KATNIP: variants seen among roughly 807,000 people sequenced by gnomAD.
KATNIP encodes katanin interacting protein.
Under a neutral mutation model 174.0 loss-of-function variants are expected in KATNIP, and 126 were observed. The observed-to-expected ratio is 0.72, with a 90% CI of 0.63 to 0.84. The LOEUF (loss-of-function observed/expected upper bound fraction) is 0.84, where lower values mean the gene tolerates loss of function less well. Among genes scored for constraint, KATNIP ranks in the 40% least tolerant of loss-of-function variants. KATNIP has a pLI of 0.00. For synonymous variants in KATNIP, 810 were observed against 835.7 expected (o/e 0.97, Z 0.53); for missense variants, 1,958 against 2,109.7 (o/e 0.93, Z 1.41).
chr16:27,734,555 C>G (rs1047308454), intron 14 of KATNIP, among the ~76,000 whole-genome samples: 1 of 151,884 alleles, frequency 6.6e-6, no homozygotes, highest in Non-Finnish European at 1.5e-5. Context: ...AAAAAATAGC[C>G]GGGCGTAGTG....
intron 2 of KATNIP, among the ~76,000 whole-genome samples, chr16:27,601,237 G>A (rs573783323): frequency 3.9e-5 from 6 of 152,240 alleles, no homozygotes; most frequent in African/African-American, 9.6e-5. Context: ...GAGCAAGCTC[G>A]CATTGTCCCT....
At chr16:27,610,317 A>T (rs1013283243) in intron 2 of KATNIP, among the ~76,000 whole-genome samples, 1 of 152,148 alleles carries the variant, frequency 6.6e-6, no homozygotes, top group Non-Finnish European at 1.5e-5. Context: ...AGTAGTTTTC[A>T]TATGGAGCTG....
intron 1 of KATNIP, among the ~76,000 whole-genome samples, chr16:27,566,881 G>C (rs2090111623): frequency 6.6e-6 from 1 of 152,134 alleles, no homozygotes; most frequent in African/African-American, 2.4e-5. Context: ...CAACCCATCT[G>C]CACCTTCCTT....
rs770374502 is a variant in KATNIP, at chr16:27,703,994, CAG to C, written c.1388_1389del (p.Glu463GlyfsTer39). 1.9e-6 allele frequency: 3 copies of C among 1,613,244 alleles called. No homozygotes were observed. The highest frequency in any genetic ancestry group is 4.5e-5 in the East Asian group (2 of 44,876). On this transcript the variant is annotated frameshift_variant and splice_region_variant, in exon 12 of 28. Coordinates refer to ENST00000261588, the MANE Select transcript of KATNIP (RefSeq NM_015202.5). LOFTEE classifies it high-confidence loss of function. ...CCAACCAAGGAGCAAGTATCAGACA[CAG>C]AGGTGAGAGCCTTGACTTGATTTTC... is the stretch of plus-strand genomic sequence containing the variant.
intron 15 of KATNIP, 72 bp downstream of exon 15, chr16:27,740,992 C>T (rs2081088217): frequency 1.8e-6 from 2 of 1,129,462 alleles, no homozygotes; most frequent in Admixed American, 3.8e-5. Flanking sequence ...AGCCAGTTAG[C>T]TCCTGGACCT....
chr16:27,705,416 G>A (rs2079262016), intron 12 of KATNIP, among the ~76,000 whole-genome samples: 1 of 152,122 alleles, frequency 6.6e-6, no homozygotes, highest in Non-Finnish European at 1.5e-5. Context: ...CTGGACTAGA[G>A]TTCCAGCTTT....
In KATNIP at chr16:27,637,456, G is replaced by A. The variant is rs1015378751; in HGVS notation, c.408+6294G>A. On this transcript the variant is annotated intron_variant, in intron 5 of 27. Transcript: ENST00000261588. This position sits in a 1 kb window ranked among gnomAD's most constrained non-coding sequence, Gnocchi z 4.7. ...CAAGGGAGTCGGAAGACAGTGCTAC[G>A]AAGGAAGGACAGAGGACAGCAGCCT... Among the ~76,000 whole-genome samples the A allele has an allele frequency of 3.3e-5, 5 of 152,180 alleles. No individual in the cohort carries two copies. Among genetic ancestry groups the A allele is most frequent in the East Asian group, 3.9e-4 (2 of 5,168 alleles).
At position 27,766,375 on chromosome 16, in the gene KATNIP, G is replaced by A; in HGVS notation, c.3876G>A (p.Gly1292=). The change falls in exon 20 of 28, where the codon GGG becomes GGA. Residue 1292 remains glycine, a synonymous_variant. Transcript: ENST00000261588. ...EHMWLIPFSP[G]LDHVVTIRLD... Reference sequence around the variant, plus strand: ...TGTGGCTGATCCCCTTCTCGCCGGGGCTGGACCATGTGGTCACGATCCGCC... The same window carrying A: ...TGTGGCTGATCCCCTTCTCGCCGGGACTGGACCATGTGGTCACGATCCGCC... The A allele has an allele frequency of 6.2e-7, 1 of 1,614,176 alleles. No individual in the cohort carries two copies. Among genetic ancestry groups the A allele is most frequent in the Non-Finnish European group, 8.5e-7 (1 of 1,180,024 alleles).
In KATNIP at chr16:27,776,849, C is replaced by T; in HGVS notation, c.4450-79C>T. 1.3e-5 allele frequency: 13 copies of T among 1,035,290 alleles called. No homozygotes were observed. In the South Asian group the frequency reaches 1.7e-4, roughly 14 times the overall value. 64.1% of individuals were successfully genotyped at this position (1,035,290 alleles called of 1,614,324 possible). On this transcript the variant is annotated intron_variant, in intron 24 of 27. Coordinates refer to ENST00000261588, the MANE Select transcript of KATNIP (RefSeq NM_015202.5). This position sits in a 1 kb window ranked among gnomAD's most constrained non-coding sequence, Gnocchi z 4.7. ...CTTGGGCACCACCGCTCACCCCAGCCCACGCCTGGCACCCCCAGCCCAGCC... is the reference window on the plus strand; with the variant it reads ...CTTGGGCACCACCGCTCACCCCAGCTCACGCCTGGCACCCCCAGCCCAGCC...
rs55953014 is a variant in KATNIP at position 27,761,500 on chromosome 16, C to T, written c.3719C>T (p.Ala1240Val). 18,648 of 1,614,058 alleles carry T rather than the reference C, an allele frequency of 0.012. 163 individuals carry two copies. The highest frequency in any genetic ancestry group is 0.014 in the Non-Finnish European group (16,190 of 1,179,974). Residue 1240 changes from alanine to valine, a missense_variant, in exon 19 of 28, where the codon GCG (alanine) becomes GTG (valine). By Grantham distance (64) the Ala-to-Val change is moderately conservative. Around this residue, in one of 3 missense-constraint regions of KATNIP, gnomAD observed 1,557 missense variants for 1,617.8 expected, o/e 0.96. Coordinates refer to ENST00000261588, the MANE Select transcript of KATNIP (RefSeq NM_015202.5). The stretch of plus-strand genomic sequence containing the variant: ...GAAGTGGTGGGCAAGGAGGGCCAGG[C>T]GCTGCCCATCCACCTGCACCAGATC... The part of the protein sequence containing the change: ...GLEVVGKEGQ[A>V]LPIHLHQISA...
At chr16:27,577,704 T>G (rs2090550015) in intron 2 of KATNIP, among the ~76,000 whole-genome samples, 1 of 151,368 alleles carries the variant, frequency 6.6e-6, no homozygotes, top group Non-Finnish European at 1.5e-5. Context: ...TGAAATGAAA[T>G]GAAATAAAAT....
intron 20 of KATNIP, 125 bp from the exon 21 acceptor site, chr16:27,769,736 C>G (rs1222043375): frequency 8.9e-7 from 1 of 1,120,792 alleles, no homozygotes; most frequent in Non-Finnish European, 1.3e-6. Context: ...GGACCTCGGT[C>G]AGGTGGCTCT....
At chr16:27,660,796 C>A (rs1231899994) in intron 6 of KATNIP, among the ~76,000 whole-genome samples, 3 of 152,128 alleles carry the variant, frequency 2.0e-5, no homozygotes, top group Admixed American at 2.0e-4. Flanking sequence ...CCACCGCATC[C>A]AGCTATTGCT....
At chr16:27,630,472 G>C (rs2076451758) in intron 4 of KATNIP, among the ~76,000 whole-genome samples, 1 of 152,168 alleles carries the variant, frequency 6.6e-6, no homozygotes, top group African/African-American at 2.4e-5. Flanking sequence ...GGTTTCCTAG[G>C]AGAGCCACTA....
intron 19 of KATNIP, among the ~76,000 whole-genome samples, chr16:27,765,198 CT>C (rs780503280): frequency 1.6e-4 from 24 of 152,290 alleles, no homozygotes; most frequent in Non-Finnish European, 3.2e-4. Context: ...CAGGACCAGG[CT>C]TCTGAATGGC....
At chr16:27,654,649 C>G in intron 6 of KATNIP, 1 of 1,352,002 alleles carries the variant, frequency 7.4e-7, no homozygotes, top group Non-Finnish European at 9.8e-7. Context: ...GTGGTTTTAA[C>G]TTCTCCCTTC....
chr16:27,614,032 C>T (rs1037177191), intron 2 of KATNIP, among the ~76,000 whole-genome samples: 2 of 152,154 alleles, frequency 1.3e-5, no homozygotes, highest in Non-Finnish European at 2.9e-5. Flanking sequence ...CCCTCCTCCT[C>T]AGCCTCCCAC....
chr16:27,740,038 C>T lies in KATNIP; in HGVS notation c.1744-3C>T. ...TTCACTTTGTTAAATCTTATGGTTTCAGGATCTTGACATTGGTGCCAAGAA... is the reference window on the plus strand; with the variant it reads ...TTCACTTTGTTAAATCTTATGGTTTTAGGATCTTGACATTGGTGCCAAGAA... On this transcript the variant is annotated splice_polypyrimidine_tract_variant and splice_region_variant and intron_variant, in intron 14 of 27. Coordinates refer to ENST00000261588, the MANE Select transcript of KATNIP (RefSeq NM_015202.5). The T allele has an allele frequency of 1.2e-6, 2 of 1,607,708 alleles. No individual in the cohort carries two copies. The highest frequency in any genetic ancestry group is 1.7e-5 in the Admixed American group (1 of 59,376).
Position 27,777,890 on chromosome 16 carries a change from C to T in KATNIP, c.4722C>T (p.Ala1574=), listed in dbSNP as rs373515155. The stretch of plus-strand genomic sequence containing the variant: ...TCCTTCCTACCCTCAGTAATCAGGC[C>T]GAGGATCAAGATGTCCAGATGATGA... The part of the protein sequence containing the change: ...QEKHTTISNQ[A]EDQDVQMMNE... The change falls in exon 27 of 28, where the codon GCC becomes GCT. Residue 1574 remains alanine (A), a synonymous_variant. Coordinates refer to ENST00000261588, the MANE Select transcript of KATNIP (RefSeq NM_015202.5). The surrounding 1 kb of genome is among the most constrained non-coding windows in gnomAD (Gnocchi z 4.4). 1.9e-6 allele frequency: 3 copies of T among 1,613,976 alleles called. No homozygotes were observed. The highest frequency in any genetic ancestry group is 2.7e-5 in the African/African-American group (2 of 74,940).
Sources: allele counts gnomAD v4.1 joint callset (sites outside exome capture counted in the v4.1 genomes callset), GRCh38; gene constraint gnomAD v4.1.1; regional missense constraint gnomAD v4.1.1; non-coding constraint Gnocchi (gnomAD v3.1); transcripts MANE v1.5; gene names NCBI Gene and HGNC (gene_info 2026-07-23, HGNC 2026-07-21).